Variants in ARID4B observed in about 807,000 individuals in gnomAD.
The protein encoded by ARID4B is AT-rich interaction domain 4B.
A neutral mutation model predicts 147.5 loss-of-function variants in ARID4B; 26 were observed. The observed-to-expected ratio is 0.18, with a 90% CI of 0.13 to 0.24. The LOEUF is 0.24. Ranked by LOEUF, ARID4B falls within the 10% of genes least tolerant of loss-of-function variation. ARID4B has a pLI of 1.00. For synonymous variants in ARID4B, 512 were observed against 507.9 expected (o/e 1.01, Z -0.11); for missense variants, 1,179 against 1,511.5 (o/e 0.78, Z 3.65).
At chr1:235,242,874 T>C (rs1188873486) in intron 7 of ARID4B, among the ~76,000 whole-genome samples, 1 of 152,190 alleles carries the variant, frequency 6.6e-6, no homozygotes, top group African/African-American at 2.4e-5. Flanking sequence ...CTCAAGACTT[T>C]GTTCCACCTT....
chr1:235,202,764 T>C (rs936359623), intron 17 of ARID4B, among the ~76,000 whole-genome samples: 2 of 151,922 alleles, frequency 1.3e-5, no homozygotes, highest in South Asian at 2.1e-4. Context: ...TGGCCAGACT[T>C]GTCTTGAACT....
intron 18 of ARID4B, among the ~76,000 whole-genome samples, chr1:235,195,326 C>T (rs2102963099): frequency 6.6e-6 from 1 of 152,252 alleles, no homozygotes; most frequent in East Asian, 1.9e-4. Context: ...GGCGTGGTGG[C>T]TCACACCTAT....
At position 235,257,112 on chromosome 1, in the gene ARID4B, A is replaced by AT. The variant is rs559181960; in HGVS notation, c.183+47dup. The AT allele has an allele frequency of 6.5e-5, 84 of 1,294,186 alleles. 1 individual carries two copies. In the East Asian group the frequency reaches 9.0e-4, roughly 14 times the overall value. 80.2% of individuals were successfully genotyped at this position (1,294,186 alleles called of 1,614,324 possible). A position where few individuals can be genotyped will look rare whatever the true frequency, so the allele number is the denominator to read the frequency against. On this transcript the variant is annotated intron_variant, in intron 4 of 23. Transcript: ENST00000264183. ...CAATGAATTAATACCAAGTATGATT[A>AT]TTTTTTCCCAAACAACCATTAGAAT... is the stretch of plus-strand genomic sequence containing the variant.
Position 235,265,846 on chromosome 1 carries a change from G to T in ARID4B, c.7-5094C>A, listed in dbSNP as rs570705567. The stretch of plus-strand genomic sequence containing the variant: ...AACAGTTCTGTCACAAGGATGAGGA[G>T]TAAGACGGTGCACACAAAATGCTTA... On this transcript the variant is annotated intron_variant, in intron 2 of 23. Coordinates refer to ENST00000264183, the MANE Select transcript of ARID4B (RefSeq NM_016374.6). Among the ~76,000 whole-genome samples, 5 of 152,256 alleles carry T rather than the reference G, an allele frequency of 3.3e-5. No homozygotes were observed. The South Asian group carries it at 1.0e-3, about 32-fold the overall frequency.
intron 17 of ARID4B, among the ~76,000 whole-genome samples, chr1:235,198,784 A>G (rs906814369): frequency 6.6e-6 from 1 of 152,242 alleles, no homozygotes; most frequent in Non-Finnish European, 1.5e-5. Context: ...TGGCCTTACT[A>G]TTCTGGAAAA....
At chr1:235,245,465 AAT>A (rs1389432310) in intron 7 of ARID4B, among the ~76,000 whole-genome samples, 9 of 152,184 alleles carry the variant, frequency 5.9e-5, no homozygotes, top group Non-Finnish European at 8.8e-5. Flanking sequence ...AAATCGTAAA[AAT>A]ATGTCTAAAT....
intron 17 of ARID4B, among the ~76,000 whole-genome samples, chr1:235,206,982 G>A (rs1184028897): frequency 1.3e-5 from 2 of 152,222 alleles, no homozygotes; most frequent in Non-Finnish European, 2.9e-5. Flanking sequence ...ACTCAGAACA[G>A]AGCAAGAAAA....
intron 17 of ARID4B, among the ~76,000 whole-genome samples, chr1:235,207,841 T>G (rs1049216359): frequency 3.9e-5 from 6 of 152,218 alleles, no homozygotes; most frequent in Non-Finnish European, 7.3e-5. Flanking sequence ...AGGATTTAAT[T>G]TGTTTGGCGA....
chr1:235,192,518 TAAATAA>T (rs1319789380), intron 19 of ARID4B, among the ~76,000 whole-genome samples: 3 of 152,150 alleles, frequency 2.0e-5, no homozygotes, highest in Admixed American at 1.3e-4. Context: ...CAGTGGTGAG[TAAATAA>T]AAATATAGTA....
intron 3 of ARID4B, among the ~76,000 whole-genome samples, chr1:235,260,402 C>T (rs1193051259): frequency 1.3e-5 from 2 of 152,190 alleles, no homozygotes; most frequent in Non-Finnish European, 2.9e-5. Context: ...AGCTCTAAAA[C>T]ACTATACAAA....
At chr1:235,171,142 C>T (rs1343417844) in intron 23 of ARID4B, among the ~76,000 whole-genome samples, 1 of 151,838 alleles carries the variant, frequency 6.6e-6, no homozygotes, top group East Asian at 1.9e-4. Context: ...AGAATGATAC[C>T]TTATTTGGGC....
chr1:235,293,577 G>C (rs1672481127), intron 2 of ARID4B, among the ~76,000 whole-genome samples: 1 of 151,856 alleles, frequency 6.6e-6, no homozygotes, highest in Non-Finnish European at 1.5e-5. Context: ...GTAAGCAAAA[G>C]CAAATTGTTG....
In ARID4B at chr1:235,181,911, TCTA is replaced by T. The variant is rs1664337984; in HGVS notation, c.3005_3007del (p.Val1002del). 2 of 1,614,102 alleles carry T rather than the reference TCTA, an allele frequency of 1.2e-6. No homozygotes were observed. Among genetic ancestry groups the T allele is most frequent in the African/African-American group, 1.3e-5 (1 of 74,948 alleles). The stretch of plus-strand genomic sequence containing the variant: ...AAATTCTGCTTTTCTGTCATTGACC[TCTA>T]CTGTTTTTTCTTCAATGGGTTTACT... On this transcript the variant is annotated inframe_deletion, in exon 20 of 24. Transcript: ENST00000264183.
intron 2 of ARID4B, among the ~76,000 whole-genome samples, chr1:235,281,072 C>T (rs1238034588): frequency 2.7e-5 from 4 of 150,838 alleles, no homozygotes; most frequent in African/African-American, 9.9e-5. Flanking sequence ...CTACAGCTTA[C>T]AAGCTTGCCA....
chr1:235,224,439 T>C (rs533844075), intron 12 of ARID4B, among the ~76,000 whole-genome samples: 1 of 152,272 alleles, frequency 6.6e-6, no homozygotes, highest in East Asian at 1.9e-4. Flanking sequence ...TAGGGACCCA[T>C]GGATAGGTAA....
intron 2 of ARID4B, among the ~76,000 whole-genome samples, chr1:235,310,401 A>G (rs1673965745): frequency 6.6e-6 from 1 of 152,198 alleles, no homozygotes; most frequent in Admixed American, 6.5e-5. Context: ...TTTACTAACA[A>G]AAGAACAGGC....
chr1:235,244,767 C>A (rs1327013147), intron 7 of ARID4B, among the ~76,000 whole-genome samples: 1 of 152,124 alleles, frequency 6.6e-6, no homozygotes. Flanking sequence ...TCTGAGATCA[C>A]AGCAAAGACT....
At chr1:235,301,791 T>C (rs1259209579) in intron 2 of ARID4B, among the ~76,000 whole-genome samples, 2 of 151,728 alleles carry the variant, frequency 1.3e-5, no homozygotes, top group African/African-American at 2.4e-5. Flanking sequence ...CTCAGCTCAC[T>C]GCAACCTCTG....
intron 23 of ARID4B, among the ~76,000 whole-genome samples, chr1:235,170,042 A>G (rs1438111522): frequency 7.2e-5 from 11 of 152,190 alleles, no homozygotes; most frequent in Non-Finnish European, 1.6e-4. Flanking sequence ...GTACAGGGGT[A>G]ATAGGATAGA....
Sources: gnomAD v4.1 joint callset for allele counts (sites outside exome capture counted in the v4.1 genomes callset) on GRCh38, gnomAD v4.1.1 for gene constraint, MANE v1.5 for transcripts, NCBI Gene and HGNC (gene_info 2026-07-23, HGNC 2026-07-21) for gene names.